The following ZDHHC11 variants were observed in gnomAD, a reference collection of about 807,000 sequenced individuals.
ZDHHC11 encodes palmitoyltransferase ZDHHC11.
In ZDHHC11, 44 loss-of-function variants were observed where a neutral mutation model predicts 51.3. The ratio of observed to expected loss-of-function variants is 0.86; its 90% CI spans 0.67 to 1.10. ZDHHC11 has a LOEUF of 1.10. Ranked by LOEUF, ZDHHC11 falls within the 50% of genes least tolerant of loss-of-function variation. The probability of loss-of-function intolerance (pLI) is 0.00; values close to 1 mark genes in which losing one functional copy is unlikely to be tolerated. For missense variants in ZDHHC11, 400 were observed against 537.7 expected (o/e 0.74, Z 2.53); for synonymous variants, 163 against 222.0 (o/e 0.73, Z 2.36).
chr5:846,488 G>C (rs1746180613), intron 3 of ZDHHC11, among the ~76,000 whole-genome samples: 1 of 150,604 alleles, frequency 6.6e-6, no homozygotes, highest in African/African-American at 2.5e-5. Flanking sequence ...CCTCCACCGT[G>C]CTCAGGGGAA....
intron 4 of ZDHHC11, chr5:842,176 T>A: frequency 5.1e-6 from 5 of 986,190 alleles, no homozygotes; most frequent in Non-Finnish European, 6.0e-6. Context: ...GGAAGCAGCA[T>A]GTTCCAGGAG....
At chr5:857,240 C>T (rs1350869462) in intron 1 of ZDHHC11, among the ~76,000 whole-genome samples, 2 of 152,196 alleles carry the variant, frequency 1.3e-5, no homozygotes, top group Non-Finnish European at 2.9e-5. Flanking sequence ...TGCCCAGCAC[C>T]GGGGCCTGCA....
At chr5:812,481 TCA>T (rs1177375948) in intron 11 of ZDHHC11, among the ~76,000 whole-genome samples, 7 of 151,578 alleles carry the variant, frequency 4.6e-5, no homozygotes, top group African/African-American at 1.7e-4. Context: ...GACAATATGT[TCA>T]GTCTCATTAG....
rs1418369509 is a variant in ZDHHC11 at position 803,756 on chromosome 5, G to A, written c.1182-2592C>T. On this transcript the variant is annotated intron_variant, in intron 11 of 12. Transcript: ENST00000283441. ...AGGAAGTCACTGACAACTAAATAAA[G>A]TAGGAAAATTACATATGAGCAAATT... Among the ~76,000 whole-genome samples the A allele has an allele frequency of 2.0e-5, 3 of 150,634 alleles. No homozygotes were observed. In the South Asian group the frequency reaches 6.3e-4, roughly 32 times the overall value.
intron 5 of ZDHHC11, among the ~76,000 whole-genome samples, chr5:837,729 G>A (rs1255905054): frequency 2.6e-5 from 4 of 151,874 alleles, no homozygotes; most frequent in African/African-American, 7.2e-5. Context: ...GCTGACCCAC[G>A]CCCCTGCCGC....
At chr5:839,067 G>T (rs1403129009) in intron 5 of ZDHHC11, among the ~76,000 whole-genome samples, 2 of 129,238 alleles carry the variant, frequency 1.5e-5, no homozygotes, top group Admixed American at 1.5e-4. Context: ...AGCATCTGAG[G>T]GTGAGAGATT....
chr5:844,792 T>C (rs1253517256), intron 3 of ZDHHC11, among the ~76,000 whole-genome samples: 3 of 152,304 alleles, frequency 2.0e-5, no homozygotes, highest in African/African-American at 4.8e-5. Context: ...GCGATGTCCA[T>C]GCTGTAGACG....
At chr5:852,353 CTG>C (rs1327147761), upstream of ZDHHC11, among the ~76,000 whole-genome samples, 4 of 152,138 alleles carry the variant, frequency 2.6e-5, no homozygotes, top group African/African-American at 7.2e-5. Flanking sequence ...GGTGGAGAGT[CTG>C]TGAGAGAAAA....
rs182370810 is a variant in ZDHHC11 at position 801,232 on chromosome 5, G to A, written c.1182-68C>T. 1,915 of 1,588,712 alleles carry A rather than the reference G, an allele frequency of 1.2e-3. 76 individuals carry two copies. Among genetic ancestry groups the A allele is most frequent in the Non-Finnish European group, 1.3e-3 (1,490 of 1,162,814 alleles). ...ATGTAATACTTGTTATAATGCCAAA[G>A]TGCACAAAATGTGTAAACAAGAGTA... On this transcript the variant is annotated intron_variant, in intron 11 of 12. Transcript: ENST00000283441.
At chr5:846,958 C>T (rs1317117156) in intron 3 of ZDHHC11, among the ~76,000 whole-genome samples, 1 of 151,900 alleles carries the variant, frequency 6.6e-6, no homozygotes, top group East Asian at 1.9e-4. Context: ...CTCCACCATG[C>T]TCAGTGGAAA....
chr5:858,382 A>G (rs59445494), intron 1 of ZDHHC11, among the ~76,000 whole-genome samples: 31,258 of 135,144 alleles, frequency 0.23, 7,557 homozygotes, highest in African/African-American at 0.62. Flanking sequence ...GTGGTCCCCC[A>G]AGTCTGTCCA....
chr5:856,344 A>G (rs113573824), intron 1 of ZDHHC11, among the ~76,000 whole-genome samples: 2,828 of 150,280 alleles, frequency 0.019, 86 homozygotes, highest in African/African-American at 0.066. Flanking sequence ...ACACCACACA[A>G]TACATACCAC....
Position 815,136 on chromosome 5 carries a change from T to C in ZDHHC11, c.1147-341A>G, listed in dbSNP as rs538404408. 4.4e-4 allele frequency among the ~76,000 whole-genome samples: 66 copies of C among 151,496 alleles called. 1 individual carries two copies. Among genetic ancestry groups the C allele is most frequent in the African/African-American group, 1.6e-3 (66 of 41,380 alleles). On this transcript the variant is annotated intron_variant, in intron 10 of 12. Coordinates refer to ENST00000283441, the MANE Select transcript of ZDHHC11 (RefSeq NM_024786.3). The stretch of plus-strand genomic sequence containing the variant: ...ATCCAGAGTGACTGGTGTCCTTTTA[T>C]GAAGGGGAGATTATGACAGAGACAC...
Position 819,516 on chromosome 5 carries a change from G to T in ZDHHC11, c.1146+9C>A. 2 of 1,608,380 alleles carry T rather than the reference G, an allele frequency of 1.2e-6. No homozygotes were observed. The highest frequency in any genetic ancestry group is 4.5e-5 in the East Asian group (2 of 44,860). The stretch of plus-strand genomic sequence containing the variant: ...GTCCTCGGGGACAGCGCCAGTGATT[G>T]CAACTTACCTGTGCCATCGAGCCCC... On this transcript the variant is annotated intron_variant, in intron 10 of 12. Coordinates refer to ENST00000283441, the MANE Select transcript of ZDHHC11 (RefSeq NM_024786.3).
chr5:855,250 G>T (rs542388233), upstream of ZDHHC11, among the ~76,000 whole-genome samples: 21 of 148,710 alleles, frequency 1.4e-4, no homozygotes, highest in African/African-American at 4.5e-4. Context: ...AGCGAGCCGG[G>T]GGGAGAGACA....
At chr5:845,664 C>T (rs1446914839) in intron 3 of ZDHHC11, among the ~76,000 whole-genome samples, 2 of 152,018 alleles carry the variant, frequency 1.3e-5, no homozygotes, top group African/African-American at 2.4e-5. Flanking sequence ...GCCATCAGCT[C>T]GGCCTCCCTC....
intron 6 of ZDHHC11, among the ~76,000 whole-genome samples, chr5:835,089 T>G (rs57021412): frequency 6.6e-6 from 1 of 151,112 alleles, no homozygotes; most frequent in African/African-American, 2.4e-5. Flanking sequence ...AAGACAAGCT[T>G]TGTCTCACTA....
At chr5:834,793 TA>T (rs1743594877) in intron 6 of ZDHHC11, among the ~76,000 whole-genome samples, 1 of 152,044 alleles carries the variant, frequency 6.6e-6, no homozygotes. Context: ...CTTTTAGCAA[TA>T]AAGCACTTTT....
chr5:853,627 G>C (rs1747659426), upstream of ZDHHC11, among the ~76,000 whole-genome samples: 2 of 149,598 alleles, frequency 1.3e-5, no homozygotes, highest in African/African-American at 5.0e-5. Context: ...ACCCCACAGA[G>C]GACAGCAAGC....
Sources: gnomAD v4.1 joint callset for allele counts (sites outside exome capture counted in the v4.1 genomes callset) on GRCh38, gnomAD v4.1.1 for gene constraint, MANE v1.5 for transcripts, NCBI Gene and HGNC (gene_info 2026-07-23, HGNC 2026-07-21) for gene names.